Variants in P3H1 observed in about 807,000 individuals in gnomAD.
P3H1 encodes the protein prolyl 3-hydroxylase 1.
A neutral mutation model predicts 84.0 loss-of-function variants in P3H1; 69 were observed. That is an observed-to-expected ratio of 0.82 (90% CI 0.68 to 1.00). The LOEUF is 1.00. Among genes scored for constraint, P3H1 ranks in the 50% least tolerant of loss-of-function variants. The pLI is 0.00. For missense variants in P3H1, 878 were observed against 962.8 expected, an observed-to-expected ratio of 0.91 and a Z score of 1.17; for synonymous variants, 366 against 388.8, an observed-to-expected ratio of 0.94 and a Z score of 0.69.
At position 42,752,269 on chromosome 1, in the gene P3H1, C is replaced by A. The variant is rs777818874; in HGVS notation, c.1569+5G>T. 4 of 1,611,718 alleles carry A rather than the reference C, an allele frequency of 2.5e-6. No homozygotes were observed. The East Asian group carries it at 6.7e-5, about 27-fold the overall frequency. On this transcript the variant is annotated splice_donor_5th_base_variant and intron_variant, in intron 10 of 14. Transcript: ENST00000296388. ...ACACTCTAGAATGCCCAGTGTTGATCTTACCTTGAGGGCTTTGAAGACAGT... is the reference window on the plus strand; with the variant it reads ...ACACTCTAGAATGCCCAGTGTTGATATTACCTTGAGGGCTTTGAAGACAGT...
chr1:42,766,403 C>T, intron 1 of P3H1, 104 bp downstream of exon 1: 1 of 1,071,868 alleles, frequency 9.3e-7, no homozygotes, highest in East Asian at 2.6e-5. Context: ...GGCCACTTTC[C>T]CCTCCCTGCG....
At chr1:42,763,441 G>C (rs1426821225) in intron 1 of P3H1, among the ~76,000 whole-genome samples, 1 of 151,844 alleles carries the variant, frequency 6.6e-6, no homozygotes. Flanking sequence ...GGAGGCCGAA[G>C]GGGGCAGATC....
rs771006240 is a variant in P3H1, at chr1:42,746,744, G to T, written c.2164C>A (p.Gln722Lys). Residue 722 changes from glutamine (Q) to lysine (K), a missense_variant, in exon 15 of 15, where the codon CAA (glutamine) becomes AAA (lysine). Coordinates refer to ENST00000296388, the MANE Select transcript of P3H1 (RefSeq NM_022356.4). ...GATTCACTGCCTGAGAGAGACTCTT[G>T]TGCAGGTTCGGGGGGGCCCTGCTGG... Reference protein sequence around the residue: ...DAQQGPPEPAQESLSGSESKP... With the variant: ...DAQQGPPEPAKESLSGSESKP... 3.2e-5 allele frequency: 50 copies of T among 1,552,774 alleles called. No homozygotes were observed. In the Middle Eastern group the frequency reaches 1.5e-3, roughly 46 times the overall value.
At chr1:42,748,488 G>C in intron 11 of P3H1, 171 bp from the exon 12 acceptor site, 1 of 678,352 alleles carries the variant, frequency 1.5e-6, no homozygotes, top group Non-Finnish European at 2.7e-6. Flanking sequence ...CAAGTCTGCA[G>C]GCTTCCTAGG....
At chr1:42,762,601 C>G in intron 1 of P3H1, 126 bp from the exon 2 acceptor site, 1 of 953,202 alleles carries the variant, frequency 1.0e-6, no homozygotes, top group Non-Finnish European at 1.7e-6. Context: ...GCGTGCCCAG[C>G]CCCTGCCAGC....
At position 42,759,381 on chromosome 1, in the gene P3H1, G is replaced by A. The variant is rs137853950; in HGVS notation, c.628C>T (p.Arg210Ter). 6.8e-6 allele frequency: 11 copies of A among 1,613,974 alleles called. No individual in the cohort carries two copies. Among genetic ancestry groups the A allele is most frequent in the East Asian group, 2.2e-5 (1 of 44,888 alleles). Reference sequence around the variant, plus strand: ...TCTGAGTAGAGTCGCACTCCCAGTCGAAATTCTTGCTACTGGGAAGAAGGA... The same window carrying A: ...TCTGAGTAGAGTCGCACTCCCAGTCAAAATTCTTGCTACTGGGAAGAAGGA... Reference protein sequence around the residue: ...LETQPHMQEFRLGVRLYSEEQ... With the variant: ...LETQPHMQEF The change falls in exon 3 of 15, where the codon CGA becomes TGA. Residue 210 changes from arginine to a stop codon, truncating the protein, a stop_gained. Coordinates refer to ENST00000296388, the MANE Select transcript of P3H1 (RefSeq NM_022356.4). LOFTEE classifies it high-confidence loss of function.
At position 42,754,834 on chromosome 1, in the gene P3H1, A is replaced by G. The variant is rs1652296852; in HGVS notation, c.1345+35T>C. ...GGGGTGACCTGCCTGGCTCCCTGAC[A>G]ACAGCCAGACATGCCCCTATTTCTG... On this transcript the variant is annotated intron_variant, in intron 8 of 14. Coordinates refer to ENST00000296388, the MANE Select transcript of P3H1 (RefSeq NM_022356.4). The surrounding 1 kb of genome is among the most constrained non-coding windows in gnomAD (Gnocchi z 4.0). The G allele has an allele frequency of 6.2e-7, 1 of 1,613,802 alleles. No individual in the cohort carries two copies. The highest frequency in any genetic ancestry group is 8.5e-7 in the Non-Finnish European group (1 of 1,179,886).
rs752675971 is a variant in P3H1 at position 42,766,540 on chromosome 1, G to C, written c.432C>G (p.Ser144Arg). 6.2e-7 allele frequency: 1 copy of C among 1,612,008 alleles called. No individual in the cohort carries two copies. The highest frequency in any genetic ancestry group is 1.7e-5 in the Admixed American group (1 of 59,916). The stretch of plus-strand genomic sequence containing the variant: ...AGGCGACCTGCAGGTAGTTGTAGGG[G>C]CTCCGCTTGCGGAACTCCAGCTCCA... ...EEMELEFRKR[S>R]PYNYLQVAYF... The change falls in exon 1 of 15, where the codon AGC (serine) becomes AGG (arginine). Residue 144 changes from serine to arginine, a missense_variant. Coordinates refer to ENST00000296388, the MANE Select transcript of P3H1 (RefSeq NM_022356.4).
intron 1 of P3H1, among the ~76,000 whole-genome samples, chr1:42,764,634 T>C (rs1042098873): frequency 2.6e-5 from 4 of 152,116 alleles, no homozygotes; most frequent in African/African-American, 9.7e-5. Context: ...CAGCCTGTAA[T>C]ACATGGTGCT....
At chr1:42,761,926 T>C (rs76607321) in intron 2 of P3H1, 74 of 225,618 alleles carry the variant, frequency 3.3e-4, no homozygotes, top group African/African-American at 1.6e-3. Context: ...ATACATGATA[T>C]AACACCAAAT....
rs767485544 is a variant in P3H1, at chr1:42,747,284, T to A, written c.2043A>T (p.Arg681=). The A allele has an allele frequency of 6.2e-7, 1 of 1,613,914 alleles. No individual in the cohort carries two copies. Among genetic ancestry groups the A allele is most frequent in the Admixed American group, 1.7e-5 (1 of 59,956 alleles). ...GAGCTGCTCTCACCCGCTCGCTGTGTCGAGGGTCCAGGGTGAACCACAGGG... is the reference window on the plus strand; with the variant it reads ...GAGCTGCTCTCACCCGCTCGCTGTGACGAGGGTCCAGGGTGAACCACAGGG... ...AIALWFTLDP[R]HSERDRVQAD... is the part of the protein sequence containing the mutation. The change falls in exon 14 of 15, where the codon CGA becomes CGT. Residue 681 remains arginine (R), a synonymous_variant. Transcript: ENST00000296388.
intron 13 of P3H1, 96 bp downstream of exon 13, chr1:42,747,627 G>A (rs946416526): frequency 1.1e-5 from 15 of 1,368,358 alleles, no homozygotes; most frequent in Non-Finnish European, 1.6e-5. Context: ...CCACTGGGAA[G>A]CCCAGTTGGT....
In P3H1 at chr1:42,764,152, C is replaced by T. The variant is rs549365871; in HGVS notation, c.466-1677G>A. On this transcript the variant is annotated intron_variant, in intron 1 of 14. Transcript: ENST00000296388. Reference sequence around the variant, plus strand: ...TCTCAAAAGAAAAGAGGGCTGGGTGCGGTGGCTCACGCCTGTAATCCCGCA... The same window carrying T: ...TCTCAAAAGAAAAGAGGGCTGGGTGTGGTGGCTCACGCCTGTAATCCCGCA... Among the ~76,000 whole-genome samples the T allele has an allele frequency of 1.5e-4, 22 of 151,684 alleles. No individual in the cohort carries two copies. In the South Asian group the frequency reaches 2.1e-3, roughly 14 times the overall value.
chr1:42,746,667 T>A lies in P3H1; in HGVS notation c.*30A>T, dbSNP rs1297151484. On this transcript the variant is annotated 3_prime_UTR_variant, in exon 15 of 15. Transcript: ENST00000296388. The stretch of plus-strand genomic sequence containing the variant: ...GCAGAAGAGTTCCTCTCCATGGGTC[T>A]AGTCACCCATCCGTCTGACCTGGAC... 6.6e-7 allele frequency: 1 copy of A among 1,506,796 alleles called. No individual in the cohort carries two copies. Among genetic ancestry groups the A allele is most frequent in the African/African-American group, 1.4e-5 (1 of 72,176 alleles). The allele number at this position is 1,506,796 out of a possible 1,614,324, so 93.3% of individuals were successfully genotyped here. A position where few individuals can be genotyped will look rare whatever the true frequency, so the allele number is the denominator to read the frequency against.
At chr1:42,765,761 G>A (rs1035948703) in intron 1 of P3H1, among the ~76,000 whole-genome samples, 11 of 150,972 alleles carry the variant, frequency 7.3e-5, no homozygotes, top group African/African-American at 2.5e-4. Context: ...AATACAGTGG[G>A]ACTAATAACA....
At position 42,757,046 on chromosome 1, in the gene P3H1, C is replaced by T. The variant is rs374970600; in HGVS notation, c.1080+737G>A. 2.0e-5 allele frequency among the ~76,000 whole-genome samples: 3 copies of T among 152,306 alleles called. No homozygotes were observed. The East Asian group carries it at 5.8e-4, about 29-fold the overall frequency. ...TAGATTGGCCACGTGGGTTTATTTCCCCTCACTCCCCTCAGACTCCCCTTA... is the reference window on the plus strand; with the variant it reads ...TAGATTGGCCACGTGGGTTTATTTCTCCTCACTCCCCTCAGACTCCCCTTA... On this transcript the variant is annotated intron_variant, in intron 5 of 14. Coordinates refer to ENST00000296388, the MANE Select transcript of P3H1 (RefSeq NM_022356.4).
chr1:42,747,711 G>C lies in P3H1; in HGVS notation c.1914+12C>G. The C allele has an allele frequency of 1.2e-6, 2 of 1,613,872 alleles. No homozygotes were observed. The highest frequency in any genetic ancestry group is 1.7e-6 in the Non-Finnish European group (2 of 1,179,718). On this transcript the variant is annotated intron_variant, in intron 13 of 14. Transcript: ENST00000296388. ...TTTTATCTCCCAGGGACAAGGACAA[G>C]GGAGCACTCACCGTCACGGTCTTGG...
chr1:42,748,259 C>T lies in P3H1; in HGVS notation c.1779G>A (p.Leu593=). The change falls in exon 12 of 15, where the codon CTG becomes CTA. Residue 593 remains leucine, a synonymous_variant. Coordinates refer to ENST00000296388, the MANE Select transcript of P3H1 (RefSeq NM_022356.4). ...SHPVHVDNCI[L]NAETLVCVKE... is the part of the protein sequence containing the mutation. ...TGACACACACGAGGGTCTCGGCATT[C>T]AGGATGCAGTTGTCCACGTGGACTG... is the stretch of plus-strand genomic sequence containing the variant. The T allele has an allele frequency of 3.7e-6, 6 of 1,614,082 alleles. No homozygotes were observed. The highest frequency in any genetic ancestry group is 5.1e-6 in the Non-Finnish European group (6 of 1,180,030).
intron 1 of P3H1, 25 bp downstream of exon 1, chr1:42,766,482 C>A: frequency 6.4e-7 from 1 of 1,570,186 alleles, no homozygotes; most frequent in South Asian, 1.2e-5. Flanking sequence ...GGACCCCGGC[C>A]GCCTGGTTCC....
Sources: gnomAD v4.1 joint callset for allele counts (sites outside exome capture counted in the v4.1 genomes callset) on GRCh38, gnomAD v4.1.1 for gene constraint, Gnocchi (gnomAD v3.1) non-coding constraint, MANE v1.5 for transcripts, NCBI Gene and HGNC (gene_info 2026-07-23, HGNC 2026-07-21) for gene names.